The following CCNK variants were observed in gnomAD, a reference collection of about 807,000 sequenced individuals.
CCNK encodes cyclin K.
A neutral mutation model predicts 65.0 loss-of-function variants in CCNK; 9 were observed. That is an observed-to-expected ratio of 0.14 (90% CI 0.08 to 0.24). The LOEUF (loss-of-function observed/expected upper bound fraction) is 0.24. Among genes scored for constraint, CCNK ranks in the 10% least tolerant of loss-of-function variants. CCNK has a pLI of 1.00. For missense variants in CCNK, 474 were observed against 720.0 expected (o/e 0.66, Z 3.91); for synonymous variants, 279 against 270.8 (o/e 1.03, Z -0.30).
In CCNK at chr14:99,492,891, T is replaced by A. The variant is rs1275185574; in HGVS notation, c.197+17T>A. ...TTTGGGGCTGTATCCTGACTCTCCT[T>A]GGAATCTGTTACAGATAGGCTCCCC... On this transcript the variant is annotated intron_variant, in intron 2 of 10. Coordinates refer to ENST00000389879, the MANE Select transcript of CCNK (RefSeq NM_001099402.2). The A allele has an allele frequency of 2.6e-6, 4 of 1,562,786 alleles. No homozygotes were observed. Among genetic ancestry groups the A allele is most frequent in the Non-Finnish European group, 3.4e-6 (4 of 1,162,956 alleles).
At chr14:99,496,148 C>T (rs1255083582) in intron 4 of CCNK, among the ~76,000 whole-genome samples, 1 of 152,178 alleles carries the variant, frequency 6.6e-6, no homozygotes, top group East Asian at 1.9e-4. Flanking sequence ...CCAGTGTCAG[C>T]AAGTGGTGCT....
intron 9 of CCNK, 105 bp downstream of exon 9, chr14:99,503,749 T>A: frequency 1.0e-6 from 1 of 991,174 alleles, no homozygotes; most frequent in Non-Finnish European, 1.5e-6. Context: ...GCCTTAAATC[T>A]TAACTTTAGA....
At chr14:99,488,478 A>C (rs1253470240) in intron 1 of CCNK, among the ~76,000 whole-genome samples, 2 of 151,892 alleles carry the variant, frequency 1.3e-5, no homozygotes, top group Non-Finnish European at 2.9e-5. Context: ...TTTTTCACTT[A>C]CTCTTGTACC....
chr14:99,484,579 A>G (rs1896436797), intron 1 of CCNK, among the ~76,000 whole-genome samples: 1 of 152,260 alleles, frequency 6.6e-6, no homozygotes, highest in Non-Finnish European at 1.5e-5. Flanking sequence ...GTAGAAGTTA[A>G]AGAGTCGCTA....
chr14:99,485,244 T>A (rs3918046), intron 1 of CCNK, among the ~76,000 whole-genome samples: 20 of 152,278 alleles, frequency 1.3e-4, no homozygotes, highest in Non-Finnish European at 2.4e-4. Context: ...TGAATATACT[T>A]ACGATTTATC....
intron 4 of CCNK, among the ~76,000 whole-genome samples, chr14:99,499,608 G>A (rs1315892833): frequency 1.3e-5 from 2 of 152,118 alleles, no homozygotes; most frequent in South Asian, 2.1e-4. Context: ...TGTCCTCCCC[G>A]CACACAGTGT....
At chr14:99,495,343 C>T (rs1285366309) in intron 3 of CCNK, 155 bp from the exon 4 acceptor site, 8 of 427,242 alleles carry the variant, frequency 1.9e-5, no homozygotes, top group African/African-American at 1.4e-4. Flanking sequence ...TATAAAATTT[C>T]CTTCAAGCTT....
At chr14:99,498,883 G>A (rs1896758844) in intron 4 of CCNK, among the ~76,000 whole-genome samples, 1 of 152,212 alleles carries the variant, frequency 6.6e-6, no homozygotes, top group Admixed American at 6.5e-5. Flanking sequence ...TTGGAAGACA[G>A]AGGGAGGGCA....
chr14:99,495,547 CA>C lies in CCNK; in HGVS notation c.336del (p.Lys112AsnfsTer13). 1 of 1,612,230 alleles carries C rather than the reference CA, an allele frequency of 6.2e-7. No homozygotes were observed. Among genetic ancestry groups the C allele is most frequent in the East Asian group, 2.2e-5 (1 of 44,790 alleles). On this transcript the variant is annotated frameshift_variant, in exon 4 of 11. Transcript: ENST00000389879. LOFTEE classifies it high-confidence loss of function. ...CTGGCTGGGAAAGTAGAAGAAACAC[CA>C]AAAAAATGTAAAGATATCATCAAAA... ...LFLAGKVEETPKKCKDIIKTA... is the reference protein window; with the variant it reads ...LFLAGKVEETXKKCKDIIKTA...
chr14:99,496,449 G>T (rs1049839432), intron 4 of CCNK, among the ~76,000 whole-genome samples: 2 of 152,186 alleles, frequency 1.3e-5, no homozygotes, highest in African/African-American at 4.8e-5. Flanking sequence ...GGTGGCTCAC[G>T]CCTGTAATCC....
intron 4 of CCNK, among the ~76,000 whole-genome samples, chr14:99,498,687 T>C (rs775049676): frequency 3.9e-5 from 6 of 152,156 alleles, no homozygotes; most frequent in Non-Finnish European, 5.9e-5. Context: ...TAAATTTTAA[T>C]CAAATGAGTA....
chr14:99,501,444 G>A (rs1896822839), intron 6 of CCNK, 31 bp downstream of exon 6: 1 of 1,412,508 alleles, frequency 7.1e-7, no homozygotes, highest in Non-Finnish European at 1.0e-6. Flanking sequence ...ATTAATTACA[G>A]TATTTTAAAA....
intron 1 of CCNK, among the ~76,000 whole-genome samples, chr14:99,487,219 C>T (rs775901754): frequency 1.2e-4 from 18 of 152,204 alleles, no homozygotes; most frequent in Non-Finnish European, 2.2e-4. Flanking sequence ...ACACCAGAAA[C>T]ATTTACATGC....
intron 9 of CCNK, 92 bp downstream of exon 9, chr14:99,503,736 T>C: frequency 2.6e-6 from 3 of 1,171,232 alleles, no homozygotes; most frequent in East Asian, 2.6e-5. Context: ...CAGATCTAAA[T>C]TGGCCTTAAA....
chr14:99,493,875 A>G, intron 3 of CCNK: 5 of 269,212 alleles, frequency 1.9e-5, no homozygotes, highest in Non-Finnish European at 1.4e-5. Flanking sequence ...TGGGCTTATA[A>G]TTGAGACTCA....
At position 99,510,701 on chromosome 14, in the gene CCNK, A is replaced by G. The variant is rs543366823; in HGVS notation, c.1662A>G (p.Gly554=). The change falls in exon 11 of 11, where the codon GGA becomes GGG. Residue 554 remains glycine, a synonymous_variant. Transcript: ENST00000389879. ...CACCTCCTGCCGTCCCCCCTGGAGG[A>G]CAGCCTCCTGTGCCCCCGCCCATTC... ...SYPPPAVPPG[G]QPPVPPPIPP... is the part of the protein sequence containing the mutation. 6.6e-6 allele frequency: 9 copies of G among 1,369,760 alleles called. No homozygotes were observed. In the East Asian group the frequency reaches 1.7e-4, roughly 26 times the overall value. The allele number at this position is 1,369,760 out of a possible 1,614,324, so 84.9% of individuals were successfully genotyped here. A position where few individuals can be genotyped will look rare whatever the true frequency, so the allele number is the denominator to read the frequency against.
chr14:99,497,653 T>C (rs1896730866), intron 4 of CCNK, among the ~76,000 whole-genome samples: 1 of 152,238 alleles, frequency 6.6e-6, no homozygotes, highest in African/African-American at 2.4e-5. Context: ...TAGCTTGTAT[T>C]GTCTCACAAT....
chr14:99,482,134 C>T (rs2139841916), intron 1 of CCNK, among the ~76,000 whole-genome samples: 1 of 152,318 alleles, frequency 6.6e-6, no homozygotes, highest in African/African-American at 2.4e-5. Flanking sequence ...CCAAGATAGG[C>T]TCGGTAATGC....
chr14:99,482,103 A>G (rs1366260905), intron 1 of CCNK, among the ~76,000 whole-genome samples: 1 of 152,238 alleles, frequency 6.6e-6, no homozygotes, highest in Non-Finnish European at 1.5e-5. Context: ...GTTATGTGAC[A>G]GCTCCTAAAC....
Sources: gnomAD v4.1 joint callset for allele counts (sites outside exome capture counted in the v4.1 genomes callset) on GRCh38, gnomAD v4.1.1 for gene constraint, MANE v1.5 for transcripts, NCBI Gene and HGNC (gene_info 2026-07-23, HGNC 2026-07-21) for gene names.